SOX5: variants seen among roughly 807,000 people sequenced by gnomAD.
The protein encoded by SOX5 is SRY-box transcription factor 5, also known as transcription factor SOX-5.
A neutral mutation model predicts 92.0 loss-of-function variants in SOX5; 9 were observed. That is an observed-to-expected ratio of 0.10 (90% CI 0.06 to 0.17). SOX5 has a LOEUF of 0.17. Among genes scored for constraint, SOX5 ranks in the 10% least tolerant of loss-of-function variants. The pLI, the probability that SOX5 is intolerant of heterozygous loss-of-function variation, is 1.00. For missense variants in SOX5, 642 were observed against 944.5 expected, an observed-to-expected ratio of 0.68 and a Z score of 4.20; for synonymous variants, 344 against 336.3, an observed-to-expected ratio of 1.02 and a Z score of -0.25.
intron 4 of SOX5, among the ~76,000 whole-genome samples, chr12:24,058,172 T>C (rs1592751098): frequency 5.3e-5 from 8 of 152,278 alleles, no homozygotes; most frequent in Admixed American, 5.2e-4. Context: ...AATTTTGCCA[T>C]TGCCTGATAA....
chr12:24,110,158 C>A (rs759154916), intron 4 of SOX5, among the ~76,000 whole-genome samples: 1 of 152,146 alleles, frequency 6.6e-6, no homozygotes, highest in Non-Finnish European at 1.5e-5. Flanking sequence ...ATTGTTTAAG[C>A]AAGAAAATAG....
At chr12:23,892,616 T>C (rs1482779385) in intron 2 of SOX5, among the ~76,000 whole-genome samples, 1 of 152,122 alleles carries the variant, frequency 6.6e-6, no homozygotes, top group Non-Finnish European at 1.5e-5. Context: ...TGAGATCATA[T>C]AGGTAACTCT....
chr12:23,877,402 T>A (rs1021475650), intron 2 of SOX5, among the ~76,000 whole-genome samples: 7 of 151,974 alleles, frequency 4.6e-5, no homozygotes, highest in Admixed American at 2.0e-4. Flanking sequence ...TCTTTGAATT[T>A]AAAAAAAATT....
At chr12:23,991,724 G>A (rs1456126306) in intron 4 of SOX5, among the ~76,000 whole-genome samples, 1 of 148,946 alleles carries the variant, frequency 6.7e-6, no homozygotes, top group Admixed American at 6.8e-5. Context: ...ATCAAATACA[G>A]TAACCAGACA....
chr12:23,642,344 T>A lies in SOX5; in HGVS notation c.932-1447A>T, dbSNP rs79379961. 2.6e-5 allele frequency among the ~76,000 whole-genome samples: 4 copies of A among 152,296 alleles called. No individual in the cohort carries two copies. In the East Asian group the frequency reaches 7.7e-4, roughly 29 times the overall value. ...ATTAAATGATTAGTATAATATATAATGGCAGTTAAGACAGCGAAGTACATA... is the reference window on the plus strand; with the variant it reads ...ATTAAATGATTAGTATAATATATAAAGGCAGTTAAGACAGCGAAGTACATA... On this transcript the variant is annotated intron_variant, in intron 7 of 14. Coordinates refer to ENST00000451604, the MANE Select transcript of SOX5 (RefSeq NM_006940.6).
intron 1 of SOX5, among the ~76,000 whole-genome samples, chr12:24,404,967 A>T (rs1962583848): frequency 6.6e-6 from 1 of 152,158 alleles, no homozygotes; most frequent in Non-Finnish European, 1.5e-5. Context: ...CATAGGGGAA[A>T]AATAATATAA....
chr12:23,600,871 T>C (rs1314074614), intron 9 of SOX5, among the ~76,000 whole-genome samples: 2 of 152,094 alleles, frequency 1.3e-5, no homozygotes, highest in African/African-American at 2.4e-5. Flanking sequence ...AGTACAGCAC[T>C]CGTATAACAC....
chr12:24,212,136 A>G (rs1397185982), intron 4 of SOX5, among the ~76,000 whole-genome samples: 1 of 152,210 alleles, frequency 6.6e-6, no homozygotes, highest in Non-Finnish European at 1.5e-5. Context: ...ATTTAGCTAA[A>G]AGCAGAGAGT....
At chr12:23,893,119 T>C (rs2097144812) in intron 2 of SOX5, among the ~76,000 whole-genome samples, 1 of 152,186 alleles carries the variant, frequency 6.6e-6, no homozygotes, top group Non-Finnish European at 1.5e-5. Flanking sequence ...AGGCAGTTCA[T>C]CGTTTTTTAG....
intron 4 of SOX5, among the ~76,000 whole-genome samples, chr12:24,068,158 C>CA (rs892808252): frequency 8.6e-5 from 13 of 151,194 alleles, no homozygotes; most frequent in Non-Finnish European, 1.0e-4. Flanking sequence ...CAAAACAAAA[C>CA]AAAAAAAACT....
intron 4 of SOX5, among the ~76,000 whole-genome samples, chr12:23,989,723 T>C (rs1413636573): frequency 1.3e-5 from 2 of 152,062 alleles, no homozygotes; most frequent in Non-Finnish European, 2.9e-5. Context: ...AGTGTAAGGA[T>C]ACAAGAAGCA....
At chr12:24,146,657 G>C (rs1014651940) in intron 4 of SOX5, among the ~76,000 whole-genome samples, 3 of 146,038 alleles carry the variant, frequency 2.1e-5, no homozygotes, top group African/African-American at 7.6e-5. Context: ...AAAATCAATA[G>C]AGAAAATTAA....
intron 2 of SOX5, among the ~76,000 whole-genome samples, chr12:24,349,224 C>A (rs932535830): frequency 6.6e-6 from 1 of 152,178 alleles, no homozygotes. Context: ...TAACTCATCC[C>A]CTCTCCCCAG....
chr12:24,143,539 C>T (rs1202160555), intron 4 of SOX5, among the ~76,000 whole-genome samples: 1 of 152,028 alleles, frequency 6.6e-6, no homozygotes, highest in African/African-American at 2.4e-5. Context: ...ATGGAAACCA[C>T]AAGGTTCCCA....
At chr12:23,558,025 A>G (rs1945527346) in intron 11 of SOX5, among the ~76,000 whole-genome samples, 1 of 151,634 alleles carries the variant, frequency 6.6e-6, no homozygotes, top group South Asian at 2.1e-4. Context: ...AGGGCAAAAG[A>G]TAGATAGATG....
In SOX5 at chr12:24,015,475, T is replaced by G. The variant is rs570199968; in HGVS notation, c.-1-119451A>C. 2.6e-5 allele frequency among the ~76,000 whole-genome samples: 4 copies of G among 152,252 alleles called. 1 individual carries two copies. In the South Asian group the frequency reaches 8.3e-4, roughly 32 times the overall value. ...CTTCTAAAGCAAAGCTGGAAAATGGTGGTGTATTATGTGACACAGAACATT... is the reference window on the plus strand; with the variant it reads ...CTTCTAAAGCAAAGCTGGAAAATGGGGGTGTATTATGTGACACAGAACATT... On this transcript the variant is annotated intron_variant, in intron 4 of 4. Coordinates refer to the SOX5 transcript ENST00000446891.
rs552511084 is a variant in SOX5 at position 23,982,179 on chromosome 12, G to A, written c.-1-86155C>T. ...ATTTGGAAGAAAGTCTCTTGAATGT[G>A]TATAACCATAAACTATCTGCTTATC... On this transcript the variant is annotated intron_variant, in intron 4 of 4. Coordinates refer to the SOX5 transcript ENST00000446891. Among the ~76,000 whole-genome samples the A allele has an allele frequency of 3.9e-5, 6 of 152,320 alleles. No homozygotes were observed. In the South Asian group the frequency reaches 8.3e-4, roughly 21 times the overall value.
chr12:23,747,735 C>T (rs1024450395), intron 4 of SOX5, among the ~76,000 whole-genome samples: 1 of 152,032 alleles, frequency 6.6e-6, no homozygotes, highest in Non-Finnish European at 1.5e-5. Context: ...GGGACCCTCA[C>T]TCCTAGTTAT....
chr12:23,577,373 T>C (rs1949336485), intron 9 of SOX5, among the ~76,000 whole-genome samples: 1 of 151,454 alleles, frequency 6.6e-6, no homozygotes, highest in Non-Finnish European at 1.5e-5. Context: ...CTAATTTTTG[T>C]ATTTTTAGTA....
Sources: allele counts gnomAD v4.1 joint callset (sites outside exome capture counted in the v4.1 genomes callset), GRCh38; gene constraint gnomAD v4.1.1; transcripts MANE v1.5; gene names NCBI Gene and HGNC (gene_info 2026-07-23, HGNC 2026-07-21).